The following RFX7 variants were observed in gnomAD, a reference collection of about 807,000 sequenced individuals.
RFX7 encodes regulatory factor X7.
In RFX7, 26 loss-of-function variants were observed where a neutral mutation model predicts 111.8. That is an observed-to-expected ratio of 0.23 (90% confidence interval 0.17 to 0.32). The LOEUF is 0.32. Among genes scored for constraint, RFX7 ranks in the 10% least tolerant of loss-of-function variants. The pLI is 1.00. For synonymous variants in RFX7, 624 were observed against 624.4 expected (o/e 1.00, Z 0.01); for missense variants, 1,573 against 1,772.9 (o/e 0.89, Z 2.02).
chr15:56,147,098 T>C (rs775701219), intron 3 of RFX7, among the ~76,000 whole-genome samples: 1 of 152,224 alleles, frequency 6.6e-6, no homozygotes, highest in Non-Finnish European at 1.5e-5. Flanking sequence ...ATTTAAATGA[T>C]AAGAATTAAA....
At chr15:56,178,164 A>G (rs2042922966) in intron 3 of RFX7, among the ~76,000 whole-genome samples, 1 of 111,148 alleles carries the variant, frequency 9.0e-6, no homozygotes, top group South Asian at 3.2e-4. Flanking sequence ...AAACCAAAAA[A>G]CTACACACAC....
chr15:56,124,714 G>A (rs541177287), intron 5 of RFX7, among the ~76,000 whole-genome samples: 11 of 152,142 alleles, frequency 7.2e-5, no homozygotes, highest in African/African-American at 1.7e-4. Context: ...TTTTCTTTGC[G>A]GCTTAAATGT....
intron 5 of RFX7, among the ~76,000 whole-genome samples, chr15:56,111,437 C>G (rs867604622): frequency 1.3e-5 from 2 of 151,136 alleles, no homozygotes; most frequent in Non-Finnish European, 3.0e-5. Context: ...GTTAAACAGA[C>G]GCTTGAAGGC....
At chr15:56,138,923 T>G (rs1487053834) in intron 5 of RFX7, among the ~76,000 whole-genome samples, 1 of 152,180 alleles carries the variant, frequency 6.6e-6, no homozygotes, top group African/African-American at 2.4e-5. Context: ...TTCTTGTCTT[T>G]AAGAATGTTG....
intron 5 of RFX7, among the ~76,000 whole-genome samples, chr15:56,106,763 A>G (rs1210483098): frequency 6.6e-6 from 1 of 152,226 alleles, no homozygotes; most frequent in African/African-American, 2.4e-5. Context: ...AATCTAATTT[A>G]GTAAGTACTT....
rs1172586521 is a variant in RFX7 at position 56,111,060 on chromosome 15, C to G, written c.402-7390G>C. Among the ~76,000 whole-genome samples the G allele has an allele frequency of 3.1e-3, 364 of 116,766 alleles. 11 individuals carry two copies. The highest frequency in any genetic ancestry group is 0.01 in the African/African-American group (341 of 33,492). The allele number at this position is 116,766 out of a possible 152,430, so 76.6% of individuals were successfully genotyped here. On this transcript the variant is annotated intron_variant, in intron 5 of 9. Coordinates refer to ENST00000559447, the MANE Select transcript of RFX7 (RefSeq NM_022841.7). Reference sequence around the variant, plus strand: ...CCCCCCACCCGGCCAGCCACCCTGTCCGGGAGGTGAGGGGCGCCTCTGCCC... The same window carrying G: ...CCCCCCACCCGGCCAGCCACCCTGTGCGGGAGGTGAGGGGCGCCTCTGCCC...
At chr15:56,154,803 G>A (rs561051142) in intron 3 of RFX7, among the ~76,000 whole-genome samples, 26 of 152,286 alleles carry the variant, frequency 1.7e-4, no homozygotes, top group Middle Eastern at 6.8e-3. Flanking sequence ...AAACTAAAGA[G>A]CTTCTGCACA....
Position 56,088,595 on chromosome 15 carries a change from AGAT to A in RFX7, c.*4747_*4749del, listed in dbSNP as rs1235259525. The A allele has an allele frequency of 6.6e-6, 1 of 152,000 alleles. No homozygotes were observed. The highest frequency in any genetic ancestry group is 1.5e-5 in the Non-Finnish European group (1 of 68,040). The allele number at this position is 152,000 out of a possible 1,614,324, so 9.4% of individuals were successfully genotyped here. On this transcript the variant is annotated 3_prime_UTR_variant, in exon 10 of 10. Coordinates refer to ENST00000559447, the MANE Select transcript of RFX7 (RefSeq NM_022841.7). Reference sequence around the variant, plus strand: ...CTGGCATACATATTTTTAAAATTTCAGATGATGCAATATTAATAAGTGATCCCA... The same window carrying A: ...CTGGCATACATATTTTTAAAATTTCAGATGCAATATTAATAAGTGATCCCA...
At chr15:56,151,056 A>G (rs1217042955) in intron 3 of RFX7, among the ~76,000 whole-genome samples, 1 of 152,150 alleles carries the variant, frequency 6.6e-6, no homozygotes, top group Non-Finnish European at 1.5e-5. Context: ...GAAATATGGG[A>G]CTACGTGAAA....
chr15:56,107,298 A>AAT (rs2041843745), intron 5 of RFX7, among the ~76,000 whole-genome samples: 1 of 137,530 alleles, frequency 7.3e-6, no homozygotes, highest in Non-Finnish European at 1.5e-5. Context: ...CTCCGTCTCA[A>AAT]AAAAAAAAAA....
intron 6 of RFX7, among the ~76,000 whole-genome samples, chr15:56,102,939 C>T (rs1418368491): frequency 6.6e-6 from 1 of 152,128 alleles, no homozygotes; most frequent in Non-Finnish European, 1.5e-5. Flanking sequence ...TTACAATCTT[C>T]TTCTAAGAGG....
chr15:56,243,635 C>G lies in RFX7; in HGVS notation c.-193G>C, dbSNP rs1415820547. 1 of 160,860 alleles carries G rather than the reference C, an allele frequency of 6.2e-6. No homozygotes were observed. Among genetic ancestry groups the G allele is most frequent in the East Asian group, 2.0e-4 (1 of 4,940 alleles). 10.0% of individuals were successfully genotyped at this position (160,860 alleles called of 1,614,324 possible). ...GGGGTGAGATGGGGGCGTTTGAAGACGAAGTGGGGGGGGCAGGCTCCCCCC... is the reference window on the plus strand; with the variant it reads ...GGGGTGAGATGGGGGCGTTTGAAGAGGAAGTGGGGGGGGCAGGCTCCCCCC... On this transcript the variant is annotated 5_prime_UTR_variant, in exon 1 of 10. Coordinates refer to ENST00000559447, the MANE Select transcript of RFX7 (RefSeq NM_022841.7).
chr15:56,195,254 G>C (rs754169566), intron 2 of RFX7, among the ~76,000 whole-genome samples: 1 of 151,990 alleles, frequency 6.6e-6, no homozygotes, highest in Non-Finnish European at 1.5e-5. Flanking sequence ...TTGGGGTTGC[G>C]GAAATGAAGA....
intron 3 of RFX7, among the ~76,000 whole-genome samples, chr15:56,169,030 T>C (rs1351795790): frequency 1.3e-5 from 2 of 152,234 alleles, no homozygotes; most frequent in Non-Finnish European, 2.9e-5. Flanking sequence ...GGATTTTCTA[T>C]TATCTGCAGA....
intron 5 of RFX7, among the ~76,000 whole-genome samples, chr15:56,120,936 T>C (rs2042070317): frequency 6.6e-6 from 1 of 152,232 alleles, no homozygotes; most frequent in South Asian, 2.1e-4. Context: ...TCTATTTATA[T>C]TTTATTGTAC....
intron 2 of RFX7, chr15:56,192,317 G>A (rs886078896): frequency 1.4e-5 from 3 of 213,352 alleles, no homozygotes; most frequent in Middle Eastern, 7.0e-4. Context: ...CGCTCACAGG[G>A]ATTCTTCTCA....
chr15:56,137,574 T>G, intron 5 of RFX7, among the ~76,000 whole-genome samples: 1 of 152,160 alleles, frequency 6.6e-6, no homozygotes. Flanking sequence ...AGCTCCTGGA[T>G]TGATTAATTT....
intron 2 of RFX7, among the ~76,000 whole-genome samples, chr15:56,201,515 A>G (rs1161865585): frequency 6.6e-6 from 1 of 152,242 alleles, no homozygotes; most frequent in Non-Finnish European, 1.5e-5. Context: ...GATGCTCTAG[A>G]GAGGAAGATA....
intron 3 of RFX7, among the ~76,000 whole-genome samples, chr15:56,146,554 C>T (rs1174023456): frequency 6.6e-6 from 1 of 151,742 alleles, no homozygotes; most frequent in African/African-American, 2.4e-5. Flanking sequence ...GTTGGAGAAA[C>T]CTTGGATTCT....
Sources: allele counts gnomAD v4.1 joint callset (sites outside exome capture counted in the v4.1 genomes callset), GRCh38; gene constraint gnomAD v4.1.1; transcripts MANE v1.5; gene names NCBI Gene and HGNC (gene_info 2026-07-23, HGNC 2026-07-21).